The following EVI5 variants were observed in gnomAD, a reference collection of about 807,000 sequenced individuals.
The protein encoded by EVI5 is ecotropic viral integration site 5, also known as ecotropic viral integration site 5 protein homolog.
In EVI5, 73 loss-of-function variants were observed where a neutral mutation model predicts 112.0. That is an observed-to-expected ratio of 0.65 (90% confidence interval 0.54 to 0.79). The LOEUF (loss-of-function observed/expected upper bound fraction) is 0.79. EVI5 is among the 30% of genes least tolerant of loss of function. The pLI, the probability that EVI5 is intolerant of heterozygous loss-of-function variation, is 0.00. For missense variants in EVI5, 900 were observed against 968.8 expected, an observed-to-expected ratio of 0.93 and a Z score of 0.94; for synonymous variants, 305 against 319.9, an observed-to-expected ratio of 0.95 and a Z score of 0.50.
At chr1:92,778,411 G>A (rs754334539) in intron 1 of EVI5, among the ~76,000 whole-genome samples, 14 of 152,234 alleles carry the variant, frequency 9.2e-5, no homozygotes, top group South Asian at 2.1e-4. Flanking sequence ...GCAGGTGACA[G>A]ATTTCTCTTC....
At chr1:92,776,727 T>C (rs6665121) in intron 1 of EVI5, among the ~76,000 whole-genome samples, 138,641 of 150,802 alleles carry the variant, frequency 0.92, 63,806 homozygotes, top group East Asian at 0.97. Context: ...CCTCTGCCTC[T>C]CATGTTCAAG....
chr1:92,672,743 T>C lies in EVI5; in HGVS notation c.1158+4415A>G, dbSNP rs887296909. Among the ~76,000 whole-genome samples the C allele has an allele frequency of 2.0e-5, 3 of 152,234 alleles. No homozygotes were observed. The East Asian group carries it at 5.8e-4, about 29-fold the overall frequency. On this transcript the variant is annotated intron_variant, in intron 10 of 19. Transcript: ENST00000684568. ...GAATTATCTGTTAAATGAAGTGTTA[T>C]TGAATAAATCAGGCTAGCATACCTC...
At position 92,607,616 on chromosome 1, in the gene EVI5, C is replaced by T; in HGVS notation, c.1939G>A (p.Glu647Lys). The T allele has an allele frequency of 6.3e-7, 1 of 1,597,270 alleles. No homozygotes were observed. The highest frequency in any genetic ancestry group is 1.7e-4 in the Middle Eastern group (1 of 6,026). ...ATCTCTGCTTGTTTACGCTTTGCTT[C>T]ACTTAATTGAGTAAGGAGTCCTTTG... ...QNKGLLTQLS[E>K]AKRKQAEIEC... is the part of the protein sequence containing the mutation. The change falls in exon 17 of 20, where the codon GAA becomes AAA. Residue 647 changes from glutamate to lysine, a missense_variant. Coordinates refer to ENST00000684568, the MANE Select transcript of EVI5 (RefSeq NM_001350197.2).
intron 2 of EVI5, among the ~76,000 whole-genome samples, chr1:92,734,242 T>C (rs1176923241): frequency 6.6e-6 from 1 of 152,210 alleles, no homozygotes; most frequent in African/African-American, 2.4e-5. Flanking sequence ...ATATTTCTGA[T>C]AAAGACCCAC....
At chr1:92,615,859 C>A (rs1653011203) in intron 16 of EVI5, among the ~76,000 whole-genome samples, 1 of 152,038 alleles carries the variant, frequency 6.6e-6, no homozygotes, top group African/African-American at 2.4e-5. Context: ...TGAAAAAAAC[C>A]AAGTTCTCTA....
At chr1:92,736,802 T>C (rs1304689192) in intron 1 of EVI5, among the ~76,000 whole-genome samples, 175 bp from the exon 2 acceptor site, 1 of 152,146 alleles carries the variant, frequency 6.6e-6, no homozygotes, top group South Asian at 2.1e-4. Flanking sequence ...TGCAAACTGT[T>C]TATTTCAGTT....
intron 2 of EVI5, among the ~76,000 whole-genome samples, chr1:92,716,943 G>A (rs1460149052): frequency 6.6e-6 from 1 of 151,882 alleles, no homozygotes; most frequent in Non-Finnish European, 1.5e-5. Context: ...TTGAGGAGAT[G>A]ACAGAAATAG....
At chr1:92,578,533 G>A (rs545791729) in intron 18 of EVI5, among the ~76,000 whole-genome samples, 2 of 151,410 alleles carry the variant, frequency 1.3e-5, no homozygotes, top group South Asian at 4.2e-4. Flanking sequence ...GGCTAACACG[G>A]TGAAACCCCG....
intron 2 of EVI5, among the ~76,000 whole-genome samples, chr1:92,712,871 T>C (rs887944947): frequency 1.3e-5 from 2 of 151,828 alleles, no homozygotes; most frequent in South Asian, 2.1e-4. Flanking sequence ...AGAGATATAA[T>C]GCAGTCCACT....
chr1:92,607,067 AAAAGT>A (rs1650585471), intron 17 of EVI5, among the ~76,000 whole-genome samples: 2 of 152,320 alleles, frequency 1.3e-5, no homozygotes, highest in Admixed American at 6.5e-5. Flanking sequence ...CACTTCACAA[AAAAGT>A]AAAGTATATA....
intron 14 of EVI5, among the ~76,000 whole-genome samples, chr1:92,633,685 ATTG>A (rs879239942): frequency 6.6e-6 from 1 of 152,204 alleles, no homozygotes; most frequent in South Asian, 2.1e-4. Flanking sequence ...TAAGGTTAAT[ATTG>A]TTATGTGTGA....
At chr1:92,784,153 T>G in intron 1 of EVI5, 5 of 250,150 alleles carry the variant, frequency 2.0e-5, no homozygotes, top group Non-Finnish European at 2.5e-5. Context: ...GGATGCCAAA[T>G]GAGATGATCT....
chr1:92,612,725 G>A (rs6696198), intron 16 of EVI5, among the ~76,000 whole-genome samples: 30,426 of 67,030 alleles, frequency 0.45, 5,897 homozygotes, highest in African/African-American at 0.46. Flanking sequence ...AAAAAAAAAA[G>A]GAAAAAAAAA....
At chr1:92,753,210 C>G (rs1680457579) in intron 1 of EVI5, among the ~76,000 whole-genome samples, 1 of 152,068 alleles carries the variant, frequency 6.6e-6, no homozygotes, top group Non-Finnish European at 1.5e-5. Flanking sequence ...CCACTCTCAT[C>G]CAGTCGACAT....
At chr1:92,694,954 C>T (rs569366477) in intron 7 of EVI5, among the ~76,000 whole-genome samples, 60 of 152,076 alleles carry the variant, frequency 3.9e-4, no homozygotes, top group Admixed American at 1.4e-3. Context: ...CAAATTTTAC[C>T]TCTCACTAAC....
At chr1:92,572,329 T>C (rs1168731572) in intron 18 of EVI5, among the ~76,000 whole-genome samples, 3 of 152,068 alleles carry the variant, frequency 2.0e-5, no homozygotes, top group African/African-American at 7.2e-5. Flanking sequence ...TACCAAAATA[T>C]TAATAGAGTG....
intron 15 of EVI5, 106 bp downstream of exon 15, chr1:92,625,688 A>G (rs1571957084): frequency 5.7e-6 from 5 of 872,556 alleles, no homozygotes; most frequent in Non-Finnish European, 8.9e-6. Flanking sequence ...GGTCTCTCTC[A>G]CTTTAAACTC....
intron 2 of EVI5, among the ~76,000 whole-genome samples, chr1:92,719,540 C>A (rs1340800585): frequency 1.3e-5 from 2 of 151,948 alleles, no homozygotes; most frequent in African/African-American, 2.4e-5. Flanking sequence ...ATTGATGGAA[C>A]ATATCTCAAA....
At chr1:92,694,176 G>T in intron 8 of EVI5, 123 bp downstream of exon 8, 1 of 633,788 alleles carries the variant, frequency 1.6e-6, no homozygotes. Flanking sequence ...GCGGTAGGAG[G>T]ATCACTTGAA....
Sources: allele counts gnomAD v4.1 joint callset (sites outside exome capture counted in the v4.1 genomes callset), GRCh38; gene constraint gnomAD v4.1.1; transcripts MANE v1.5; gene names NCBI Gene and HGNC (gene_info 2026-07-23, HGNC 2026-07-21).